Variants in VGLL4 observed in about 807,000 individuals in gnomAD.
VGLL4 encodes the protein vestigial like family member 4, also known as transcription cofactor vestigial-like protein 4.
In VGLL4, 7 loss-of-function variants were observed where a neutral mutation model predicts 21.0. That is an observed-to-expected ratio of 0.33 (90% CI 0.19 to 0.63). The LOEUF (loss-of-function observed/expected upper bound fraction) is 0.63, where lower values mean the gene tolerates loss of function less well. VGLL4 is among the 20% of genes least tolerant of loss of function. VGLL4 has a pLI of 0.78. For missense variants in VGLL4, 394 were observed against 425.7 expected (o/e 0.93, Z 0.66); for synonymous variants, 222 against 173.2 (o/e 1.28, Z -2.21).
At chr3:11,562,298 G>C (rs952656191) in intron 3 of VGLL4, among the ~76,000 whole-genome samples, 26 of 152,264 alleles carry the variant, frequency 1.7e-4, no homozygotes, top group Admixed American at 1.6e-3. Flanking sequence ...TCACAAACAT[G>C]AAATGGGGGG....
At chr3:11,628,442 T>A (rs1454494353) in intron 1 of VGLL4, among the ~76,000 whole-genome samples, 1 of 150,652 alleles carries the variant, frequency 6.6e-6, no homozygotes, top group Non-Finnish European at 1.5e-5. Context: ...TAAAAATAGA[T>A]ACAATGTGTT....
chr3:11,661,653 G>C (rs1054976463), intron 2 of VGLL4, among the ~76,000 whole-genome samples: 1 of 151,958 alleles, frequency 6.6e-6, no homozygotes, highest in Non-Finnish European at 1.5e-5. Flanking sequence ...TGTGTTTTTA[G>C]TAGAGATGGG....
chr3:11,701,678 A>C (rs2076682586), intron 2 of VGLL4, among the ~76,000 whole-genome samples: 1 of 152,212 alleles, frequency 6.6e-6, no homozygotes, highest in Admixed American at 6.5e-5. Context: ...TAGAAAAATA[A>C]AAGTCTAACA....
chr3:11,604,966 T>C (rs1488946795), intron 1 of VGLL4, among the ~76,000 whole-genome samples: 2 of 143,620 alleles, frequency 1.4e-5, no homozygotes, highest in Non-Finnish European at 3.1e-5. Context: ...GGAGTTTAAC[T>C]ACAGGCCTTT....
At position 11,577,111 on chromosome 3, in the gene VGLL4, C is replaced by T. The variant is rs1459156403; in HGVS notation, c.273-12092G>A. 2.0e-5 allele frequency among the ~76,000 whole-genome samples: 3 copies of T among 152,190 alleles called. No individual in the cohort carries two copies. In the East Asian group the frequency reaches 5.8e-4, roughly 29 times the overall value. ...CTGGGCCATCCATGGCCCTGGGGCT[C>T]CTGGGGAAACCCAAGGAGAACAGCC... On this transcript the variant is annotated intron_variant, in intron 2 of 4. Coordinates refer to ENST00000430365, the MANE Select transcript of VGLL4 (RefSeq NM_001128219.3).
intron 1 of VGLL4, chr3:11,626,567 T>C: frequency 2.8e-6 from 1 of 352,804 alleles, no homozygotes; most frequent in African/African-American, 2.1e-5. Flanking sequence ...AACAGTGCTC[T>C]AAACACATTG....
chr3:11,664,064 C>A (rs550277844), intron 2 of VGLL4, among the ~76,000 whole-genome samples: 1 of 152,118 alleles, frequency 6.6e-6, no homozygotes, highest in African/African-American at 2.4e-5. Flanking sequence ...CCAGCCTGGC[C>A]AAATCTCTAC....
intron 1 of VGLL4, among the ~76,000 whole-genome samples, chr3:11,638,145 G>A (rs1246096929): frequency 2.0e-5 from 3 of 152,162 alleles, no homozygotes; most frequent in South Asian, 4.1e-4. Context: ...ATATTGAGAA[G>A]TTTGGAATCT....
chr3:11,637,844 G>A (rs150689154), intron 1 of VGLL4, among the ~76,000 whole-genome samples: 4 of 152,096 alleles, frequency 2.6e-5, no homozygotes, highest in African/African-American at 9.7e-5. Flanking sequence ...TGACACATGA[G>A]TTCATTAAAA....
At chr3:11,617,849 T>A (rs2075192482) in intron 1 of VGLL4, among the ~76,000 whole-genome samples, 1 of 152,244 alleles carries the variant, frequency 6.6e-6, no homozygotes, top group African/African-American at 2.4e-5. Flanking sequence ...CTAATTAACC[T>A]CTCATATTTA....
rs112573838 is a variant in VGLL4 at position 11,566,295 on chromosome 3, A to C, written c.273-1276T>G. Among the ~76,000 whole-genome samples, 183 of 152,274 alleles carry C rather than the reference A, an allele frequency of 1.2e-3. 1 individual carries two copies. The highest frequency in any genetic ancestry group is 6.8e-3 in the Middle Eastern group (2 of 294). ...CTGTAGATTAACTTCAGTTGTAAGA[A>C]ACAACACACGGCCATCCCATGCACC... On this transcript the variant is annotated intron_variant, in intron 2 of 4. Transcript: ENST00000430365.
In VGLL4 at chr3:11,568,018, G is replaced by A. The variant is rs185896940; in HGVS notation, c.273-2999C>T. On this transcript the variant is annotated intron_variant, in intron 2 of 4. Transcript: ENST00000430365. This position sits in a 1 kb window ranked among gnomAD's most constrained non-coding sequence, Gnocchi z 5.9. Reference sequence around the variant, plus strand: ...CCAGCGCTAGTTAAGTCCCTGTTCTGTGGAGGTTCCAGAACTGCAGGGTTA... The same window carrying A: ...CCAGCGCTAGTTAAGTCCCTGTTCTATGGAGGTTCCAGAACTGCAGGGTTA... Among the ~76,000 whole-genome samples, 74 of 152,266 alleles carry A rather than the reference G, an allele frequency of 4.9e-4. No individual in the cohort carries two copies. Among genetic ancestry groups the A allele is most frequent in the African/African-American group, 1.6e-3 (68 of 41,566 alleles).
At chr3:11,578,780 C>T (rs371602790) in intron 2 of VGLL4, among the ~76,000 whole-genome samples, 5 of 113,146 alleles carry the variant, frequency 4.4e-5, no homozygotes, top group South Asian at 5.6e-4. Flanking sequence ...GATGGAGTCT[C>T]GCTCTGTCAC....
intron 2 of VGLL4, among the ~76,000 whole-genome samples, chr3:11,583,230 C>A (rs1331976653): frequency 2.6e-5 from 4 of 152,168 alleles, no homozygotes; most frequent in Non-Finnish European, 4.4e-5. Context: ...AGAGTAAACT[C>A]TGATCAACCA....
intron 1 of VGLL4, among the ~76,000 whole-genome samples, chr3:11,627,595 CAAAAAAAAAAA>C (rs57607183): frequency 1.3e-4 from 15 of 118,826 alleles, no homozygotes; most frequent in Non-Finnish European, 2.2e-4. Flanking sequence ...AACTTCATCT[CAAAAAAAAAAA>C]AAAAAAAAAA....
intron 2 of VGLL4, among the ~76,000 whole-genome samples, chr3:11,572,782 T>G (rs1482600029): frequency 1.3e-5 from 2 of 152,348 alleles, no homozygotes; most frequent in Admixed American, 1.3e-4. Flanking sequence ...TTGCCTGCTC[T>G]GTGGTATTCT....
At chr3:11,686,589 T>C (rs2076452329) in intron 2 of VGLL4, among the ~76,000 whole-genome samples, 1 of 152,198 alleles carries the variant, frequency 6.6e-6, no homozygotes, top group African/African-American at 2.4e-5. Context: ...GTGGTGGTGA[T>C]GGTTGCCCAT....
intron 1 of VGLL4, among the ~76,000 whole-genome samples, chr3:11,707,142 C>T (rs991080075): frequency 6.8e-6 from 1 of 146,934 alleles, no homozygotes; most frequent in African/African-American, 2.6e-5. Flanking sequence ...ATAGTGAGAC[C>T]CCATTTCTAA....
exon 2 of VGLL4, chr3:11,703,038 T>C (rs1464605492): frequency 6.2e-7 from 1 of 1,609,340 alleles, no homozygotes; most frequent in Non-Finnish European, 8.5e-7. Flanking sequence ...TCTCCATTCC[T>C]GGTTGGAGCC....
Sources: allele counts gnomAD v4.1 joint callset (sites outside exome capture counted in the v4.1 genomes callset), GRCh38; gene constraint gnomAD v4.1.1; non-coding constraint Gnocchi (gnomAD v3.1); transcripts MANE v1.5; gene names NCBI Gene and HGNC (gene_info 2026-07-23, HGNC 2026-07-21).